The following ZNF107 variants were observed in gnomAD, a reference collection of about 807,000 sequenced individuals.
ZNF107 encodes zinc finger protein 107, also known as C2H2 type zinc-finger protein.
ZNF107 carries 19 observed loss-of-function variants against 12.3 expected under a neutral mutation model. That is an observed-to-expected ratio of 1.55 (90% CI 1.08 to 2.27). ZNF107 has a LOEUF of 2.27. Ranked by LOEUF, ZNF107 falls within the 30% of genes most tolerant of loss-of-function variation. The pLI, the probability that ZNF107 is intolerant of heterozygous loss-of-function variation, is 0.00. For missense variants in ZNF107, 958 were observed against 979.9 expected (o/e 0.98, Z 0.30); for synonymous variants, 317 against 330.5 (o/e 0.96, Z 0.44).
chr7:64,673,300 C>T (rs921415852), intron 1 of ZNF107, among the ~76,000 whole-genome samples: 13 of 152,188 alleles, frequency 8.5e-5, no homozygotes, highest in Non-Finnish European at 1.5e-4. Flanking sequence ...CCTTGGCCTC[C>T]CAAAGTGCTG....
chr7:64,679,854 A>G (rs1789582661), intron 1 of ZNF107, among the ~76,000 whole-genome samples: 2 of 152,182 alleles, frequency 1.3e-5, no homozygotes, highest in South Asian at 4.1e-4. Context: ...GAGGTTCCAT[A>G]CATCCAGGCA....
At chr7:64,699,073 T>C (rs932195168) in intron 3 of ZNF107, among the ~76,000 whole-genome samples, 13 of 152,100 alleles carry the variant, frequency 8.5e-5, no homozygotes, top group African/African-American at 2.7e-4. Flanking sequence ...GTTTTTGTTA[T>C]TATAGCTTTT....
chr7:64,674,534 T>C (rs1335292616), intron 1 of ZNF107, among the ~76,000 whole-genome samples: 1 of 152,206 alleles, frequency 6.6e-6, no homozygotes, highest in Admixed American at 6.5e-5. Flanking sequence ...TTTCTAGATA[T>C]GTTGTCTGCA....
intron 1 of ZNF107, chr7:64,679,386 G>C: frequency 1.0e-6 from 1 of 976,104 alleles, no homozygotes; most frequent in Non-Finnish European, 1.2e-6. Flanking sequence ...AGAGAGGAGA[G>C]GACACTCACT....
chr7:64,677,601 C>T (rs2128957577), intron 1 of ZNF107, among the ~76,000 whole-genome samples: 2 of 151,398 alleles, frequency 1.3e-5, no homozygotes, highest in South Asian at 4.2e-4. Context: ...CGCCTGTAAT[C>T]CCAGCACTTT....
intron 1 of ZNF107, among the ~76,000 whole-genome samples, chr7:64,673,778 G>T (rs2128956530): frequency 6.6e-6 from 1 of 152,262 alleles, no homozygotes; most frequent in South Asian, 2.1e-4. Context: ...CACTTTCAAT[G>T]TTCTACATAG....
At chr7:64,702,056 C>G (rs1271457062) in intron 3 of ZNF107, among the ~76,000 whole-genome samples, 2 of 151,862 alleles carry the variant, frequency 1.3e-5, no homozygotes, top group African/African-American at 4.8e-5. Flanking sequence ...TAGTGACATA[C>G]TTTATTTTTA....
At chr7:64,677,783 C>T (rs1018173683) in intron 1 of ZNF107, among the ~76,000 whole-genome samples, 8 of 135,530 alleles carry the variant, frequency 5.9e-5, no homozygotes, top group African/African-American at 5.5e-5. Flanking sequence ...ACCCGCAAGG[C>T]GGGGCTTGCA....
intron 1 of ZNF107, among the ~76,000 whole-genome samples, chr7:64,677,851 CAAAAAA>C (rs36080718): frequency 1.3e-5 from 1 of 77,942 alleles, no homozygotes; most frequent in Non-Finnish European, 2.4e-5. Flanking sequence ...GACTCTGTCT[CAAAAAA>C]AAAAAAAAAA....
chr7:64,670,269 C>CA (rs1789171460), intron 1 of ZNF107, among the ~76,000 whole-genome samples: 1 of 151,678 alleles, frequency 6.6e-6, no homozygotes, highest in Non-Finnish European at 1.5e-5. Flanking sequence ...AAAGTTTAGG[C>CA]AGACAAAGAC....
chr7:64,692,722 G>A (rs1562836722), intron 3 of ZNF107, among the ~76,000 whole-genome samples: 1 of 151,580 alleles, frequency 6.6e-6, no homozygotes, highest in African/African-American at 2.4e-5. Context: ...TACCTCCTTG[G>A]TTTAATTTGT....
intron 3 of ZNF107, among the ~76,000 whole-genome samples, chr7:64,696,386 G>A (rs1347458411): frequency 1.3e-5 from 2 of 152,114 alleles, no homozygotes; most frequent in Non-Finnish European, 2.9e-5. Flanking sequence ...ATGGTAGTGT[G>A]CACCTGTTTT....
At chr7:64,702,401 C>T (rs547606338) in intron 3 of ZNF107, among the ~76,000 whole-genome samples, 1 of 152,264 alleles carries the variant, frequency 6.6e-6, no homozygotes, top group African/African-American at 2.4e-5. Flanking sequence ...TCCCAAAGTG[C>T]TGGGATTACA....
chr7:64,691,465 G>A, intron 2 of ZNF107, 91 bp downstream of exon 2: 1 of 1,146,146 alleles, frequency 8.7e-7, no homozygotes, highest in Non-Finnish European at 1.1e-6. Flanking sequence ...TTTATGCTTT[G>A]CATAAATGAG....
At chr7:64,679,071 T>G (rs1243673006) in intron 1 of ZNF107, 3 of 186,090 alleles carry the variant, frequency 1.6e-5, no homozygotes, top group Non-Finnish European at 3.0e-5. Flanking sequence ...TGGTGTAGTC[T>G]GGATTGAAGA....
chr7:64,701,200 A>G (rs1298145851), intron 3 of ZNF107, among the ~76,000 whole-genome samples: 3 of 152,148 alleles, frequency 2.0e-5, no homozygotes, highest in Non-Finnish European at 4.4e-5. Context: ...ACCTCACCCA[A>G]TTGTGGTTAC....
At chr7:64,704,794 G>A (rs528447346) in intron 3 of ZNF107, among the ~76,000 whole-genome samples, 1 of 152,214 alleles carries the variant, frequency 6.6e-6, no homozygotes, top group Admixed American at 6.5e-5. Context: ...TTCTGCCTCA[G>A]CTTCCCAAGT....
At position 64,708,513 on chromosome 7, in the gene ZNF107, A is replaced by C; in HGVS notation, c.2416A>C (p.Ile806Leu). The C allele has an allele frequency of 6.2e-7, 1 of 1,613,098 alleles. No homozygotes were observed. The highest frequency in any genetic ancestry group is 8.5e-7 in the Non-Finnish European group (1 of 1,179,524). Residue 806 changes from isoleucine (I) to leucine (L), a missense_variant, in exon 4 of 4, where the codon ATA becomes CTA. Ile to Leu is a conservative substitution (Grantham distance 5, BLOSUM62 2). Coordinates refer to ENST00000620827, the MANE Select transcript of ZNF107 (RefSeq NM_001282359.2). ...KSFNQFSSLN[I>L]HKIIHTGEKP... is the part of the protein sequence containing the mutation. Reference sequence around the variant, plus strand: ...CTTTAACCAGTTCTCATCTCTTAATATACATAAGATAATTCATACTGGAGA... The same window carrying C: ...CTTTAACCAGTTCTCATCTCTTAATCTACATAAGATAATTCATACTGGAGA...
chr7:64,693,951 G>A (rs891036958), intron 3 of ZNF107, among the ~76,000 whole-genome samples: 1 of 152,146 alleles, frequency 6.6e-6, no homozygotes. Flanking sequence ...ACCACGCCTG[G>A]CTAATTTTAT....
Sources: gnomAD v4.1 joint callset for allele counts (sites outside exome capture counted in the v4.1 genomes callset) on GRCh38, gnomAD v4.1.1 for gene constraint, MANE v1.5 for transcripts, NCBI Gene and HGNC (gene_info 2026-07-23, HGNC 2026-07-21) for gene names.